SYNPO2: variants seen among roughly 807,000 people sequenced by gnomAD.
SYNPO2 encodes the protein synaptopodin-2.
Under a neutral mutation model 85.0 loss-of-function variants are expected in SYNPO2, and 56 were observed. The ratio of observed to expected loss-of-function variants is 0.66; its 90% CI spans 0.53 to 0.82. The LOEUF (loss-of-function observed/expected upper bound fraction) is 0.82. Ranked by LOEUF, SYNPO2 falls within the 40% of genes least tolerant of loss-of-function variation. The pLI is 0.00. For synonymous variants in SYNPO2, 602 were observed against 591.1 expected (o/e 1.02, Z -0.27); for missense variants, 1,575 against 1,534.2 (o/e 1.03, Z -0.44).
chr4:119,048,793 T>C (rs954575421), intron 4 of SYNPO2, among the ~76,000 whole-genome samples: 1 of 152,164 alleles, frequency 6.6e-6, no homozygotes, highest in African/African-American at 2.4e-5. Context: ...ATGAAGAAGA[T>C]GAAGTCAGAT....
At chr4:119,007,233 T>TGTATATACATATGTATATAC in intron 1 of SYNPO2, among the ~76,000 whole-genome samples, 1 of 42,088 alleles carries the variant, frequency 2.4e-5, no homozygotes, top group African/African-American at 9.9e-5. Context: ...TATATATATA[T>TGTATATACATATGTATATAC]ATATATATAT....
intron 4 of SYNPO2, among the ~76,000 whole-genome samples, chr4:119,040,683 T>G (rs972839585): frequency 6.6e-6 from 1 of 152,212 alleles, no homozygotes; most frequent in Non-Finnish European, 1.5e-5. Context: ...AAACATATTC[T>G]CTAAACAGGA....
At chr4:118,855,500 C>A (rs771150114) in intron 1 of SYNPO2, among the ~76,000 whole-genome samples, 1 of 151,968 alleles carries the variant, frequency 6.6e-6, no homozygotes, top group African/African-American at 2.4e-5. Flanking sequence ...GAGTAGATAT[C>A]GCACAACTGT....
intron 1 of SYNPO2, among the ~76,000 whole-genome samples, chr4:118,962,860 C>T (rs1735159447): frequency 6.6e-6 from 1 of 152,094 alleles, no homozygotes; most frequent in Non-Finnish European, 1.5e-5. Flanking sequence ...ATAATCTTGG[C>T]CTTGGGGAAT....
intron 1 of SYNPO2, among the ~76,000 whole-genome samples, chr4:118,950,484 G>A (rs1048473821): frequency 2.0e-5 from 3 of 152,198 alleles, no homozygotes; most frequent in African/African-American, 7.2e-5. Context: ...CCAAGCAAGG[G>A]GAGTAGCTGA....
chr4:118,928,311 G>A (rs1733806144), intron 1 of SYNPO2, among the ~76,000 whole-genome samples: 2 of 152,166 alleles, frequency 1.3e-5, no homozygotes, highest in Admixed American at 6.5e-5. Context: ...AAAGCATTTG[G>A]AAAACAGTCA....
At chr4:118,939,853 G>A (rs896518364) in intron 1 of SYNPO2, among the ~76,000 whole-genome samples, 2 of 152,056 alleles carry the variant, frequency 1.3e-5, no homozygotes, top group Non-Finnish European at 2.9e-5. Context: ...GAGACTCAGT[G>A]TTCTCACGTA....
At chr4:118,877,247 A>G (rs1731943021) in intron 1 of SYNPO2, among the ~76,000 whole-genome samples, 1 of 152,212 alleles carries the variant, frequency 6.6e-6, no homozygotes, top group Non-Finnish European at 1.5e-5. Flanking sequence ...CAAACCTGAA[A>G]CTATAAAAAC....
intron 1 of SYNPO2, among the ~76,000 whole-genome samples, chr4:118,965,918 C>T (rs1207167737): frequency 1.5e-5 from 2 of 131,418 alleles, no homozygotes; most frequent in African/African-American, 5.6e-5. Flanking sequence ...CCTGTCACTA[C>T]AAGATTTTTT....
At chr4:118,948,787 C>T (rs371671637) in intron 1 of SYNPO2, among the ~76,000 whole-genome samples, 2 of 152,160 alleles carry the variant, frequency 1.3e-5, no homozygotes, top group East Asian at 3.9e-4. Flanking sequence ...TTCCCATGAT[C>T]CAGACACCTC....
At chr4:118,871,214 AAC>A (rs1261295961) in intron 1 of SYNPO2, among the ~76,000 whole-genome samples, 1 of 152,182 alleles carries the variant, frequency 6.6e-6, no homozygotes, top group Non-Finnish European at 1.5e-5. Context: ...TGGAGTAGCC[AAC>A]CTTCCTCTAC....
At chr4:118,907,337 C>T (rs1223717468) in intron 1 of SYNPO2, among the ~76,000 whole-genome samples, 6 of 152,146 alleles carry the variant, frequency 3.9e-5, no homozygotes, top group Non-Finnish European at 1.5e-5. Context: ...CCTTCCCCCA[C>T]TAGAAATCCC....
At chr4:119,023,966 T>G (rs1021799041) in intron 2 of SYNPO2, among the ~76,000 whole-genome samples, 5 of 152,266 alleles carry the variant, frequency 3.3e-5, no homozygotes, top group Non-Finnish European at 5.9e-5. Context: ...GTTTAAATAT[T>G]AGACCATTAA....
chr4:119,042,882 G>A (rs1394117700), intron 4 of SYNPO2: 1 of 152,224 alleles, frequency 6.6e-6, no homozygotes, highest in African/African-American at 2.4e-5. Flanking sequence ...CGTGTTGGAA[G>A]TTCTGTGATG....
At chr4:118,996,528 T>C (rs1187438916) in intron 1 of SYNPO2, among the ~76,000 whole-genome samples, 2 of 152,182 alleles carry the variant, frequency 1.3e-5, no homozygotes, top group Non-Finnish European at 2.9e-5. Context: ...AGGAGAGAGA[T>C]ACACTTTTGT....
chr4:118,866,557 G>A (rs1166968979), intron 1 of SYNPO2, among the ~76,000 whole-genome samples: 1 of 152,214 alleles, frequency 6.6e-6, no homozygotes, highest in Non-Finnish European at 1.5e-5. Flanking sequence ...CTTTGTGGGA[G>A]TTTTTATTTC....
intron 1 of SYNPO2, among the ~76,000 whole-genome samples, chr4:118,879,268 C>G (rs979614296): frequency 6.6e-6 from 1 of 152,208 alleles, no homozygotes; most frequent in Non-Finnish European, 1.5e-5. Context: ...CTGGAATGAA[C>G]CAATTCTGAA....
intron 1 of SYNPO2, among the ~76,000 whole-genome samples, chr4:118,984,163 A>C (rs549660113): frequency 2.0e-5 from 3 of 152,160 alleles, no homozygotes; most frequent in African/African-American, 4.8e-5. Context: ...ATATTTGGCC[A>C]TTAGCTATTT....
intron 1 of SYNPO2, among the ~76,000 whole-genome samples, chr4:118,998,862 C>T (rs996847075): frequency 3.9e-5 from 6 of 152,056 alleles, no homozygotes; most frequent in Non-Finnish European, 1.5e-5. Flanking sequence ...CACTCCCTCC[C>T]TCCCTCTCTC....
Sources: gnomAD v4.1 joint callset for allele counts (sites outside exome capture counted in the v4.1 genomes callset) on GRCh38, gnomAD v4.1.1 for gene constraint, MANE v1.5 for transcripts, NCBI Gene and HGNC (gene_info 2026-07-23, HGNC 2026-07-21) for gene names.